Variants in RAB44 observed in about 807,000 individuals in gnomAD.
The protein encoded by RAB44 is RAB44, member RAS oncogene family.
RAB44 carries 67 observed loss-of-function variants against 93.3 expected under a neutral mutation model. The ratio of observed to expected loss-of-function variants is 0.72; its 90% CI spans 0.59 to 0.88. RAB44 has a LOEUF of 0.88. Ranked by LOEUF, RAB44 falls within the 40% of genes least tolerant of loss-of-function variation. The pLI, the probability that RAB44 is intolerant of heterozygous loss-of-function variation, is 0.00. For missense variants in RAB44, 1,064 were observed against 1,261.7 expected, an observed-to-expected ratio of 0.84 and a Z score of 2.37; for synonymous variants, 427 against 520.3, an observed-to-expected ratio of 0.82 and a Z score of 2.44.
intron 9 of RAB44, 147 bp downstream of exon 9, chr6:36,722,880 T>C (rs953596215): frequency 3.3e-6 from 3 of 901,050 alleles, no homozygotes; most frequent in Admixed American, 2.8e-5. Flanking sequence ...TTGTTTTATA[T>C]GGGCATAACC....
chr6:36,729,020 C>A (rs1763301441), intron 12 of RAB44, among the ~76,000 whole-genome samples: 1 of 152,204 alleles, frequency 6.6e-6, no homozygotes, highest in Non-Finnish European at 1.5e-5. Context: ...AAGCCCAAAC[C>A]CAAGGCTGGA....
chr6:36,727,703 G>A lies in RAB44; in HGVS notation c.2796+12G>A. 2.6e-6 allele frequency: 4 copies of A among 1,534,240 alleles called. No homozygotes were observed. The highest frequency in any genetic ancestry group is 3.5e-6 in the Non-Finnish European group (4 of 1,132,148). ...TAGACTGTCTCCAGGTGAGCAGATG[G>A]CTGCTGGGGTTGGCCCCAGTCCCTC... On this transcript the variant is annotated intron_variant, in intron 11 of 13. Transcript: ENST00000612677.
At chr6:36,716,331 G>T (rs1354218481) in intron 4 of RAB44, among the ~76,000 whole-genome samples, 1 of 151,996 alleles carries the variant, frequency 6.6e-6, no homozygotes, top group Admixed American at 6.6e-5. Flanking sequence ...TTAGCCGGGC[G>T]TGGTGGCACA....
At position 36,722,401 on chromosome 6, in the gene RAB44, C is replaced by T. The variant is rs1763113931; in HGVS notation, c.2267C>T (p.Ala756Val). The T allele has an allele frequency of 7.1e-7, 1 of 1,398,818 alleles. No individual in the cohort carries two copies. Among genetic ancestry groups the T allele is most frequent in the East Asian group, 2.6e-5 (1 of 38,364 alleles). 86.7% of individuals were successfully genotyped at this position (1,398,818 alleles called of 1,614,324 possible). Residue 756 changes from alanine to valine, a missense_variant, in exon 9 of 14, where the codon GCA becomes GTA. Transcript: ENST00000612677. ...AGGGGGGCTCAGCCTGGGGCTGGAGCAGGACCCCAGGAACCCACGCAAACC... is the reference window on the plus strand; with the variant it reads ...AGGGGGGCTCAGCCTGGGGCTGGAGTAGGACCCCAGGAACCCACGCAAACC... Reference protein sequence around the residue: ...PPRGAQPGAGAGPQEPTQTPP... With the variant: ...PPRGAQPGAGVGPQEPTQTPP...
Position 36,704,251 on chromosome 6 carries a change from A to C in RAB44, c.16A>C (p.Arg6=). 6.5e-7 allele frequency: 1 copy of C among 1,536,124 alleles called. No homozygotes were observed. Among genetic ancestry groups the C allele is most frequent in the Non-Finnish European group, 8.7e-7 (1 of 1,146,886 alleles). The stretch of plus-strand genomic sequence containing the variant: ...CCAACGCACCATGGAGACTGGACAG[A>C]GAACATCTCGAAAAGTCCGGAAGCT... METGQ[R]TSRKVRKLGS... The change falls in exon 2 of 14, where the codon AGA becomes CGA. Residue 6 remains arginine, a synonymous_variant. Transcript: ENST00000612677.
At position 36,717,475 on chromosome 6, in the gene RAB44, A is replaced by C. The variant is rs1282132398; in HGVS notation, c.641+56A>C. 4 of 1,230,632 alleles carry C rather than the reference A, an allele frequency of 3.3e-6. No homozygotes were observed. The highest frequency in any genetic ancestry group is 1.6e-5 in the African/African-American group (1 of 64,362). 76.2% of individuals were successfully genotyped at this position (1,230,632 alleles called of 1,614,324 possible). On this transcript the variant is annotated intron_variant, in intron 5 of 13. Transcript: ENST00000612677. The surrounding 1 kb of genome is among the most constrained non-coding windows in gnomAD (Gnocchi z 4.1). ...ACGAAGTAGGTGCTCTTCACATTCC[A>C]GTGGAATCTGGTTGAATTTCCCCAG...
chr6:36,725,695 A>C, intron 9 of RAB44, 167 bp from the exon 10 acceptor site: 2 of 591,964 alleles, frequency 3.4e-6, no homozygotes, highest in Non-Finnish European at 6.4e-6. Context: ...TCTTGGAGGA[A>C]GTGGGTCCTC....
intron 2 of RAB44, among the ~76,000 whole-genome samples, chr6:36,710,587 G>A (rs1020333628): frequency 2.7e-5 from 4 of 149,028 alleles, no homozygotes; most frequent in Non-Finnish European, 4.4e-5. Context: ...TCACTCTGTC[G>A]TCCAGGCTGG....
Position 36,722,751 on chromosome 6 carries a change from G to A in RAB44, c.2599+18G>A, listed in dbSNP as rs1349728326. The A allele has an allele frequency of 6.4e-7, 1 of 1,550,406 alleles. No homozygotes were observed. Among genetic ancestry groups the A allele is most frequent in the Non-Finnish European group, 8.7e-7 (1 of 1,146,934 alleles). Reference sequence around the variant, plus strand: ...TACCGTGGGTAAGGGCATTGGGGAGGGCGGCAGGGAGCAAGGAGAGACGCA... The same window carrying A: ...TACCGTGGGTAAGGGCATTGGGGAGAGCGGCAGGGAGCAAGGAGAGACGCA... On this transcript the variant is annotated intron_variant, in intron 9 of 13. Transcript: ENST00000612677.
At position 36,732,819 on chromosome 6, in the gene RAB44, T is replaced by TTTTTGTG. The variant is rs1221569032; in HGVS notation, c.*726_*727insTTTTGTG. ...CCATACAAAACACACCTCCCAGGGG[T>TTTTTGTG]CACATTTGGGGGTCCCGCCCCCTGC... is the stretch of plus-strand genomic sequence containing the variant. On this transcript the variant is annotated 3_prime_UTR_variant, in exon 14 of 14. Coordinates refer to ENST00000612677, the MANE Select transcript of RAB44 (RefSeq NM_001257357.2). 1.3e-5 allele frequency: 2 copies of TTTTTGTG among 152,020 alleles called. No individual in the cohort carries two copies. The highest frequency in any genetic ancestry group is 3.9e-4 in the East Asian group (2 of 5,168). The allele number at this position is 152,020 out of a possible 1,614,324, so 9.4% of individuals were successfully genotyped here.
At position 36,732,054 on chromosome 6, in the gene RAB44, C is replaced by A; in HGVS notation, c.3027C>A (p.Ala1009=). The A allele has an allele frequency of 8.1e-7, 1 of 1,234,406 alleles. No homozygotes were observed. The highest frequency in any genetic ancestry group is 1.0e-6 in the Non-Finnish European group (1 of 988,230). The allele number at this position is 1,234,406 out of a possible 1,614,324, so 76.5% of individuals were successfully genotyped here. The change falls in exon 14 of 14, where the codon GCC becomes GCA. Residue 1009 remains alanine (A), a synonymous_variant. Coordinates refer to ENST00000612677, the MANE Select transcript of RAB44 (RefSeq NM_001257357.2). ...TGAAGGACTCGCTGGTGAAGGTGGC[C>A]CCCAAGAGGCCGCCCAAGAGATTCG... ...EGLKDSLVKV[A]PKRPPKRFGC...
chr6:36,729,779 G>A (rs1469235700), intron 12 of RAB44, among the ~76,000 whole-genome samples: 2 of 152,196 alleles, frequency 1.3e-5, no homozygotes, highest in South Asian at 2.1e-4. Flanking sequence ...CACCATGCTC[G>A]GCCTTTTTCT....
chr6:36,723,653 G>A (rs1462823763), intron 9 of RAB44, among the ~76,000 whole-genome samples: 4 of 151,812 alleles, frequency 2.6e-5, no homozygotes, highest in Admixed American at 2.0e-4. Flanking sequence ...GGCTAACGCA[G>A]TGAAACCCTG....
At position 36,703,074 on chromosome 6, in the gene RAB44, C is replaced by T. The variant is rs187453963; in HGVS notation, c.-12-1150C>T. 1.3e-4 allele frequency among the ~76,000 whole-genome samples: 20 copies of T among 152,342 alleles called. No individual in the cohort carries two copies. In the East Asian group the frequency reaches 3.9e-3, roughly 29 times the overall value. On this transcript the variant is annotated intron_variant, in intron 1 of 13. Transcript: ENST00000612677. ...ATAGAGCAGAAATTTATTTCCTCAT[C>T]CTTCTGGAGGCTAGAAAGTTCAAGA...
At chr6:36,729,486 CTT>C (rs1253274086) in intron 12 of RAB44, among the ~76,000 whole-genome samples, 4 of 137,182 alleles carry the variant, frequency 2.9e-5, no homozygotes, top group Non-Finnish European at 1.5e-5. Flanking sequence ...TTCTTTCTTT[CTT>C]TTTTTTTTTT....
intron 7 of RAB44, 95 bp downstream of exon 7, chr6:36,718,683 C>T: frequency 1.8e-6 from 1 of 556,448 alleles, no homozygotes; most frequent in Non-Finnish European, 2.7e-6. Flanking sequence ...ATCAGAACTC[C>T]TGCCTTAGAA....
chr6:36,702,867 A>T (rs1018974117), intron 1 of RAB44, among the ~76,000 whole-genome samples: 5 of 152,216 alleles, frequency 3.3e-5, no homozygotes, highest in African/African-American at 9.6e-5. Flanking sequence ...CTGAACTAAG[A>T]CATTCAGTGA....
chr6:36,705,678 C>T (rs544267513), intron 2 of RAB44, among the ~76,000 whole-genome samples: 6 of 152,160 alleles, frequency 3.9e-5, no homozygotes, highest in South Asian at 4.2e-4. Flanking sequence ...CCACCGCGCC[C>T]GGCCAGATAA....
rs191448534 is a variant in RAB44, at chr6:36,724,634, G to A, written c.2600-1228G>A. Among the ~76,000 whole-genome samples, 23 of 150,280 alleles carry A rather than the reference G, an allele frequency of 1.5e-4. 1 individual carries two copies. In the East Asian group the frequency reaches 2.1e-3, roughly 14 times the overall value. On this transcript the variant is annotated intron_variant, in intron 9 of 13. Transcript: ENST00000612677. The stretch of plus-strand genomic sequence containing the variant: ...TCAAGAAAAACACAGCTGCATAATC[G>A]TGAAACCAACCAACCAATCAACCAA...
Sources: allele counts gnomAD v4.1 joint callset (sites outside exome capture counted in the v4.1 genomes callset), GRCh38; gene constraint gnomAD v4.1.1; non-coding constraint Gnocchi (gnomAD v3.1); transcripts MANE v1.5; gene names NCBI Gene and HGNC (gene_info 2026-07-23, HGNC 2026-07-21).